Variants in FGF10 observed in about 807,000 individuals in gnomAD.
FGF10 encodes FGF-10.
A neutral mutation model predicts 19.8 loss-of-function variants in FGF10; 2 were observed. The observed-to-expected ratio is 0.10, with a 90% CI of 0.04 to 0.32. The LOEUF (loss-of-function observed/expected upper bound fraction) is 0.32, where lower values mean the gene tolerates loss of function less well. Ranked by LOEUF, FGF10 falls within the 10% of genes least tolerant of loss-of-function variation. The probability of loss-of-function intolerance (pLI) is 1.00; values close to 1 mark genes in which losing one functional copy is unlikely to be tolerated. For missense variants in FGF10, 191 were observed against 246.3 expected (o/e 0.78, Z 1.50); for synonymous variants, 112 against 94.0 (o/e 1.19, Z -1.10).
intron 2 of FGF10, among the ~76,000 whole-genome samples, chr5:44,309,094 A>G (rs1310149311): frequency 6.6e-6 from 1 of 152,226 alleles, no homozygotes; most frequent in Non-Finnish European, 1.5e-5. Context: ...TTGATTACAT[A>G]AAAATGTAAA....
intron 1 of FGF10, among the ~76,000 whole-genome samples, chr5:44,369,841 G>A (rs1393800274): frequency 6.6e-6 from 1 of 152,038 alleles, no homozygotes; most frequent in Non-Finnish European, 1.5e-5. Context: ...AATACAAAAT[G>A]TGCAAACCTG....
rs1046008017 is a variant in FGF10 at position 44,300,909 on chromosome 5, G to A, written c.*4086C>T. The stretch of plus-strand genomic sequence containing the variant: ...TTATATCTAGGATGTTTACCTTTTT[G>A]GATCTTGTAGTAAAGGAGTTTGGGG... On this transcript the variant is annotated 3_prime_UTR_variant, in exon 3 of 3. Coordinates refer to ENST00000264664, the MANE Select transcript of FGF10 (RefSeq NM_004465.2). 6.6e-6 allele frequency among the ~76,000 whole-genome samples: 1 copy of A among 151,798 alleles called. No individual in the cohort carries two copies. Among genetic ancestry groups the A allele is most frequent in the Non-Finnish European group, 1.5e-5 (1 of 67,950 alleles).
chr5:44,354,406 C>A (rs949690978), intron 1 of FGF10, among the ~76,000 whole-genome samples: 5 of 151,358 alleles, frequency 3.3e-5, no homozygotes, highest in Non-Finnish European at 5.9e-5. Flanking sequence ...ATAGTTAATA[C>A]TCTGTTATAT....
intron 1 of FGF10, among the ~76,000 whole-genome samples, chr5:44,357,088 G>A (rs771385989): frequency 1.1e-4 from 16 of 148,074 alleles, no homozygotes; most frequent in East Asian, 1.0e-3. Context: ...TTAGATCACC[G>A]ACACTACCTC....
rs1740570101 is a variant in FGF10 at position 44,324,617 on chromosome 5, T to C, written c.326-14087A>G. On this transcript the variant is annotated intron_variant, in intron 1 of 2. Coordinates refer to ENST00000264664, the MANE Select transcript of FGF10 (RefSeq NM_004465.2). The stretch of plus-strand genomic sequence containing the variant: ...GATTTTCTCAAATCTGACTAGCTTA[T>C]AAAGTGTTGTCAGATAATTATTAAA... Among the ~76,000 whole-genome samples, 7 of 152,180 alleles carry C rather than the reference T, an allele frequency of 4.6e-5. No homozygotes were observed. In the South Asian group the frequency reaches 1.2e-3, roughly 27 times the overall value.
At chr5:44,354,622 T>C (rs1741306916) in intron 1 of FGF10, among the ~76,000 whole-genome samples, 1 of 151,540 alleles carries the variant, frequency 6.6e-6, no homozygotes, top group African/African-American at 2.4e-5. Flanking sequence ...AAATAGAACC[T>C]GTCCTCATAC....
chr5:44,353,548 T>G (rs1291752745), intron 1 of FGF10, among the ~76,000 whole-genome samples: 1 of 151,614 alleles, frequency 6.6e-6, no homozygotes, highest in African/African-American at 2.4e-5. Flanking sequence ...TATGTAGAAA[T>G]AATAAATTTT....
At chr5:44,384,906 A>C (rs975477158) in intron 1 of FGF10, among the ~76,000 whole-genome samples, 13 of 151,964 alleles carry the variant, frequency 8.6e-5, no homozygotes, top group Non-Finnish European at 1.8e-4. Flanking sequence ...TTTTCCTTTC[A>C]CTAGATCCCT....
chr5:44,343,080 G>A (rs537179270), intron 1 of FGF10, among the ~76,000 whole-genome samples: 6 of 151,932 alleles, frequency 3.9e-5, no homozygotes, highest in South Asian at 2.1e-4. Flanking sequence ...AAAATAACTC[G>A]TCTAGAGTTT....
In FGF10 at chr5:44,350,600, G is replaced by GTA. The variant is rs530813865; in HGVS notation, c.325+37756_325+37757dup. Among the ~76,000 whole-genome samples, 200 of 150,824 alleles carry GTA rather than the reference G, an allele frequency of 1.3e-3. 1 individual carries two copies. Among genetic ancestry groups the GTA allele is most frequent in the African/African-American group, 4.6e-3 (191 of 41,280 alleles). On this transcript the variant is annotated intron_variant, in intron 1 of 2. Coordinates refer to ENST00000264664, the MANE Select transcript of FGF10 (RefSeq NM_004465.2). ...ACATACATACAACACATAGGTGTGTGTATATATATAATATACATATATGTC... is the reference window on the plus strand; with the variant it reads ...ACATACATACAACACATAGGTGTGTGTATATATATATAATATACATATATGTC...
chr5:44,381,189 C>T (rs959253697), intron 1 of FGF10, among the ~76,000 whole-genome samples: 4 of 151,994 alleles, frequency 2.6e-5, no homozygotes, highest in African/African-American at 9.7e-5. Flanking sequence ...GTCCACTTCA[C>T]TTACAGCAGA....
intron 1 of FGF10, among the ~76,000 whole-genome samples, chr5:44,346,126 C>A (rs1741084400): frequency 1.3e-5 from 2 of 151,876 alleles, no homozygotes; most frequent in African/African-American, 4.8e-5. Context: ...CAGCCTTAAT[C>A]TCAGCACAAA....
At chr5:44,343,820 G>A (rs1255915928) in intron 1 of FGF10, among the ~76,000 whole-genome samples, 1 of 151,868 alleles carries the variant, frequency 6.6e-6, no homozygotes, top group Non-Finnish European at 1.5e-5. Flanking sequence ...CCCTTTATTA[G>A]AGTGATATAA....
intron 1 of FGF10, among the ~76,000 whole-genome samples, chr5:44,313,472 T>C (rs1740257023): frequency 6.6e-6 from 1 of 152,054 alleles, no homozygotes; most frequent in African/African-American, 2.4e-5. Flanking sequence ...CAAAACTAAA[T>C]GCCAGTTAAA....
chr5:44,310,317 T>C (rs1009312920), intron 2 of FGF10, 110 bp downstream of exon 2: 2 of 747,314 alleles, frequency 2.7e-6, no homozygotes, highest in African/African-American at 3.5e-5. Flanking sequence ...TGTGGCTCTA[T>C]TTACTAGCAA....
intron 1 of FGF10, among the ~76,000 whole-genome samples, chr5:44,352,991 TA>T (rs1741269352): frequency 6.6e-6 from 1 of 151,618 alleles, no homozygotes; most frequent in Admixed American, 6.6e-5. Context: ...TTTTGTAATT[TA>T]AAAAAGATTT....
intron 1 of FGF10, among the ~76,000 whole-genome samples, chr5:44,357,940 C>A (rs550582962): frequency 6.6e-6 from 1 of 151,426 alleles, no homozygotes; most frequent in South Asian, 2.1e-4. Context: ...CCAAACCCAC[C>A]ACATTATAAG....
At chr5:44,361,908 G>A (rs1741490957) in intron 1 of FGF10, among the ~76,000 whole-genome samples, 1 of 151,500 alleles carries the variant, frequency 6.6e-6, no homozygotes. Flanking sequence ...TGGACACAAA[G>A]TCACCTCCTA....
At chr5:44,362,213 C>T (rs569753826) in intron 1 of FGF10, among the ~76,000 whole-genome samples, 1 of 151,780 alleles carries the variant, frequency 6.6e-6, no homozygotes, top group African/African-American at 2.4e-5. Context: ...TCATCTGCTC[C>T]ATGATGTGTG....
Sources: allele counts gnomAD v4.1 joint callset (sites outside exome capture counted in the v4.1 genomes callset), GRCh38; gene constraint gnomAD v4.1.1; transcripts MANE v1.5; gene names NCBI Gene and HGNC (gene_info 2026-07-23, HGNC 2026-07-21).